Variants in KATNA1 observed in about 807,000 individuals in gnomAD.
KATNA1 encodes katanin p60 ATPase-containing subunit A1.
Under a neutral mutation model 62.6 loss-of-function variants are expected in KATNA1, and 42 were observed. That is an observed-to-expected ratio of 0.67 (90% confidence interval 0.52 to 0.87). The LOEUF (loss-of-function observed/expected upper bound fraction) is 0.87. Ranked by LOEUF, KATNA1 falls within the 40% of genes least tolerant of loss-of-function variation. The pLI is 0.00. For missense variants in KATNA1, 498 were observed against 612.5 expected (o/e 0.81, Z 1.97); for synonymous variants, 186 against 201.9 (o/e 0.92, Z 0.67).
intron 1 of KATNA1, among the ~76,000 whole-genome samples, chr6:149,640,202 C>T (rs1780227039): frequency 1.3e-5 from 2 of 152,234 alleles, no homozygotes; most frequent in South Asian, 4.1e-4. Flanking sequence ...ATGTGTCTGC[C>T]ATGAAACTTT....
At chr6:149,626,326 G>T (rs1327102754) in intron 3 of KATNA1, among the ~76,000 whole-genome samples, 1 of 91,568 alleles carries the variant, frequency 1.1e-5, no homozygotes, top group African/African-American at 5.0e-5. Flanking sequence ...ACGGAGTCTC[G>T]TTCTGTCGCC....
At chr6:149,641,565 C>T (rs1449138589) in intron 1 of KATNA1, among the ~76,000 whole-genome samples, 1 of 152,058 alleles carries the variant, frequency 6.6e-6, no homozygotes, top group African/African-American at 2.4e-5. Context: ...AAAAGCTGAG[C>T]AACTCTTTTT....
intron 4 of KATNA1, among the ~76,000 whole-genome samples, chr6:149,622,783 G>A (rs1042680279): frequency 3.3e-5 from 5 of 149,272 alleles, no homozygotes; most frequent in Admixed American, 6.8e-5. Context: ...GGTGGGGCGC[G>A]CAGATAACCT....
In KATNA1 at chr6:149,623,106, T is replaced by G; in HGVS notation, c.498A>C (p.Glu166Asp). 1 of 1,579,076 alleles carries G rather than the reference T, an allele frequency of 6.3e-7. No homozygotes were observed. The highest frequency in any genetic ancestry group is 8.6e-7 in the Non-Finnish European group (1 of 1,163,592). ...ATAAAAATCAATTAACATTTACCTTTTCCTCTCTTCCTTTATTCTGTTCTT... is the reference window on the plus strand; with the variant it reads ...ATAAAAATCAATTAACATTTACCTTGTCCTCTCTTCCTTTATTCTGTTCTT... Reference protein sequence around the residue: ...EKKEQNKGREEKNKSPAAVTE... With the variant: ...EKKEQNKGREDKNKSPAAVTE... Residue 166 changes from glutamate (E) to aspartate (D), a missense_variant, in exon 4 of 11, where the codon GAA becomes GAC. Physicochemically the swap from Glu to Asp is conservative, Grantham distance 45 (BLOSUM62 2). Transcript: ENST00000367411.
chr6:149,639,391 G>A (rs1460384995), intron 1 of KATNA1, among the ~76,000 whole-genome samples: 1 of 151,786 alleles, frequency 6.6e-6, no homozygotes, highest in African/African-American at 2.4e-5. Context: ...ACGAGGTCAG[G>A]AGATCAAGAC....
intron 4 of KATNA1, among the ~76,000 whole-genome samples, chr6:149,609,795 T>C (rs1452975977): frequency 1.2e-4 from 5 of 42,016 alleles, no homozygotes; most frequent in Admixed American, 8.1e-4. Context: ...AGAGCTAGAC[T>C]CCATCTCAAA....
chr6:149,609,992 G>A (rs1778887552), intron 4 of KATNA1, among the ~76,000 whole-genome samples: 2 of 151,210 alleles, frequency 1.3e-5, no homozygotes, highest in Admixed American at 6.6e-5. Context: ...CCAGCTACTC[G>A]GGAGGCTGAG....
chr6:149,613,032 T>C lies in KATNA1; in HGVS notation c.502-8250A>G, dbSNP rs74480626. Among the ~76,000 whole-genome samples, 42 of 151,064 alleles carry C rather than the reference T, an allele frequency of 2.8e-4. No individual in the cohort carries two copies. In the East Asian group the frequency reaches 6.6e-3, roughly 24 times the overall value. On this transcript the variant is annotated intron_variant, in intron 4 of 10. Transcript: ENST00000367411. The stretch of plus-strand genomic sequence containing the variant: ...CATCTCTACTAAAAATACAAAAAAT[T>C]AGCTGGGTGTGGTGGCGGGCGCCTG...
chr6:149,626,388 G>C (rs1779612207), intron 3 of KATNA1, among the ~76,000 whole-genome samples: 1 of 135,528 alleles, frequency 7.4e-6, no homozygotes, highest in Non-Finnish European at 1.5e-5. Context: ...TCCGCCTTCC[G>C]GGTTCACGCC....
At chr6:149,605,827 A>G (rs9689443) in intron 4 of KATNA1, among the ~76,000 whole-genome samples, 4,099 of 152,094 alleles carry the variant, frequency 0.027, 165 homozygotes, top group African/African-American at 0.093. Context: ...AGAGTGTAGT[A>G]GTGTGATCTT....
At chr6:149,605,757 CTTTA>C (rs367970953) in intron 4 of KATNA1, among the ~76,000 whole-genome samples, 62 of 151,946 alleles carry the variant, frequency 4.1e-4, no homozygotes, top group Admixed American at 7.9e-4. Context: ...TTCAATAATG[CTTTA>C]TTTATTTATT....
At chr6:149,621,345 C>T (rs893850059) in intron 4 of KATNA1, among the ~76,000 whole-genome samples, 8 of 151,648 alleles carry the variant, frequency 5.3e-5, no homozygotes, top group South Asian at 2.1e-4. Flanking sequence ...AGGATGGTCT[C>T]GATCTCCTGA....
chr6:149,614,444 G>C (rs1779087539), intron 4 of KATNA1, among the ~76,000 whole-genome samples: 1 of 152,088 alleles, frequency 6.6e-6, no homozygotes, highest in Non-Finnish European at 1.5e-5. Flanking sequence ...TTAAAGTCTA[G>C]GAAATTCAAA....
intron 2 of KATNA1, among the ~76,000 whole-genome samples, chr6:149,636,050 C>A (rs1312636690): frequency 6.6e-6 from 1 of 151,436 alleles, no homozygotes; most frequent in Admixed American, 6.6e-5. Context: ...TGAGAAAATC[C>A]ATCTCAAAAG....
chr6:149,601,560 G>T, intron 7 of KATNA1, 34 bp downstream of exon 7: 1 of 1,555,772 alleles, frequency 6.4e-7, no homozygotes, highest in Non-Finnish European at 8.7e-7. Context: ...TTTTAGAGAG[G>T]TAAAGAATCA....
intron 1 of KATNA1, among the ~76,000 whole-genome samples, chr6:149,645,016 A>C (rs901183204): frequency 2.6e-5 from 4 of 152,208 alleles, no homozygotes; most frequent in African/African-American, 9.6e-5. Context: ...CTCGAATGTC[A>C]CAACTGTAAA....
At chr6:149,622,276 G>A (rs1319403312) in intron 4 of KATNA1, among the ~76,000 whole-genome samples, 2 of 152,070 alleles carry the variant, frequency 1.3e-5, no homozygotes, top group African/African-American at 4.8e-5. Context: ...GGGACTACAG[G>A]CGCCCGCCAC....
intron 4 of KATNA1, among the ~76,000 whole-genome samples, chr6:149,612,555 T>C (rs1049653188): frequency 2.0e-5 from 3 of 152,092 alleles, no homozygotes; most frequent in African/African-American, 7.2e-5. Context: ...CACAAACTCT[T>C]CCAGAGCACA....
intron 4 of KATNA1, among the ~76,000 whole-genome samples, chr6:149,611,609 C>G (rs1396877132): frequency 6.6e-6 from 1 of 152,018 alleles, no homozygotes; most frequent in East Asian, 1.9e-4. Flanking sequence ...TGACAAACCT[C>G]TAGCAATACT....
Sources: gnomAD v4.1 joint callset for allele counts (sites outside exome capture counted in the v4.1 genomes callset) on GRCh38, gnomAD v4.1.1 for gene constraint, MANE v1.5 for transcripts, NCBI Gene and HGNC (gene_info 2026-07-23, HGNC 2026-07-21) for gene names.